COL24A1: variants seen among roughly 807,000 people sequenced by gnomAD.
COL24A1 encodes the protein collagen alpha-1(XXIV) chain.
COL24A1 carries 224 observed loss-of-function variants against 253.9 expected under a neutral mutation model. The ratio of observed to expected loss-of-function variants is 0.88; its 90% CI spans 0.79 to 0.99. The LOEUF (loss-of-function observed/expected upper bound fraction) is 0.99. COL24A1 is among the 50% of genes least tolerant of loss of function. The pLI, the probability that COL24A1 is intolerant of heterozygous loss-of-function variation, is 0.00. For missense variants in COL24A1, 2,131 were observed against 2,068.5 expected (o/e 1.03, Z -0.59); for synonymous variants, 685 against 673.7 (o/e 1.02, Z -0.26).
At chr1:85,895,201 T>C (rs12746617) in intron 31 of COL24A1, among the ~76,000 whole-genome samples, 30,050 of 151,916 alleles carry the variant, frequency 0.2, 3,332 homozygotes, top group Non-Finnish European at 0.24. Context: ...ATGATAACCA[T>C]AGAACTTGTT....
In COL24A1 at chr1:85,951,496, G is replaced by A. The variant is rs72954539; in HGVS notation, c.2562+9753C>T. Among the ~76,000 whole-genome samples the A allele has an allele frequency of 6.0e-3, 911 of 152,278 alleles. 6 individuals are homozygous for A. The highest frequency in any genetic ancestry group is 0.02 in the African/African-American group (819 of 41,548). ...GAAACAAAGGCATAAATAAGTGAGTGATGTTTAATGAATATTGAGTGGCCA... is the reference window on the plus strand; with the variant it reads ...GAAACAAAGGCATAAATAAGTGAGTAATGTTTAATGAATATTGAGTGGCCA... On this transcript the variant is annotated intron_variant, in intron 24 of 59. Transcript: ENST00000370571.
intron 47 of COL24A1, among the ~76,000 whole-genome samples, chr1:85,788,027 TC>T (rs34573269): frequency 0.37 from 56,932 of 152,034 alleles, 12,169 homozygotes; most frequent in Non-Finnish European, 0.49. Flanking sequence ...TGCATGAATG[TC>T]TTCTTTTGAG....
At chr1:86,123,902 G>A (rs908047602) in intron 3 of COL24A1, among the ~76,000 whole-genome samples, 2 of 151,722 alleles carry the variant, frequency 1.3e-5, no homozygotes, top group African/African-American at 4.8e-5. Flanking sequence ...CCCATTCTAT[G>A]ATTTCTAGAG....
intron 31 of COL24A1, among the ~76,000 whole-genome samples, chr1:85,891,947 C>G (rs981337898): frequency 1.3e-5 from 2 of 152,162 alleles, no homozygotes; most frequent in Non-Finnish European, 2.9e-5. Context: ...ACTCCCTTCT[C>G]TATGACTTCA....
chr1:86,091,240 G>A (rs969641646), intron 6 of COL24A1, among the ~76,000 whole-genome samples: 1 of 151,818 alleles, frequency 6.6e-6, no homozygotes, highest in African/African-American at 2.4e-5. Context: ...TGTTGAGTAT[G>A]TACTCCCAAA....
chr1:85,904,640 GTT>G (rs1684632035), intron 28 of COL24A1, among the ~76,000 whole-genome samples: 1 of 152,052 alleles, frequency 6.6e-6, no homozygotes, highest in Non-Finnish European at 1.5e-5. Flanking sequence ...ATACTTTAAA[GTT>G]TATGCCATGT....
At chr1:85,842,463 C>A in intron 39 of COL24A1, 70 bp from the exon 40 acceptor site, 1 of 1,049,570 alleles carries the variant, frequency 9.5e-7, no homozygotes, top group Non-Finnish European at 1.4e-6. Context: ...GACTTCTACT[C>A]CTATTGTTTA....
chr1:85,790,955 A>C (rs924442107), intron 47 of COL24A1, among the ~76,000 whole-genome samples: 2 of 152,190 alleles, frequency 1.3e-5, no homozygotes, highest in Non-Finnish European at 2.9e-5. Flanking sequence ...CAACAAAATG[A>C]AAATGAGGCT....
chr1:86,107,512 T>A (rs1450276112), intron 5 of COL24A1, among the ~76,000 whole-genome samples: 10 of 39,698 alleles, frequency 2.5e-4, no homozygotes, highest in Non-Finnish European at 4.4e-4. Context: ...AATGGTAATT[T>A]ATTTATTTAT....
intron 19 of COL24A1, among the ~76,000 whole-genome samples, chr1:85,997,359 T>C (rs1694927839): frequency 6.6e-6 from 1 of 152,064 alleles, no homozygotes; most frequent in African/African-American, 2.4e-5. Context: ...AAAAATCTCT[T>C]TGGGGAAACA....
intron 24 of COL24A1, among the ~76,000 whole-genome samples, chr1:85,919,941 G>A (rs1220979650): frequency 6.6e-6 from 1 of 152,148 alleles, no homozygotes; most frequent in African/African-American, 2.4e-5. Context: ...TTATTTGAAA[G>A]TTAATCTCAC....
intron 53 of COL24A1, among the ~76,000 whole-genome samples, chr1:85,768,404 C>T (rs910051548): frequency 1.2e-4 from 18 of 151,948 alleles, no homozygotes; most frequent in East Asian, 1.2e-3. Context: ...GAGAATAGAT[C>T]GTAGTGGGGG....
chr1:85,865,027 A>T (rs1558444240), intron 37 of COL24A1, among the ~76,000 whole-genome samples: 2 of 151,460 alleles, frequency 1.3e-5, no homozygotes, highest in African/African-American at 4.9e-5. Flanking sequence ...AAAATATACA[A>T]TTTTTTTTTC....
At chr1:85,982,983 TCCTCTTA>T (rs753396244) in intron 20 of COL24A1, among the ~76,000 whole-genome samples, 200 of 152,090 alleles carry the variant, frequency 1.3e-3, no homozygotes, top group Non-Finnish European at 9.1e-4. Flanking sequence ...TTATACATCT[TCCTCTTA>T]CCAAGTTAGC....
chr1:85,823,042 T>C (rs959591481), intron 45 of COL24A1, among the ~76,000 whole-genome samples: 10 of 152,176 alleles, frequency 6.6e-5, no homozygotes, highest in African/African-American at 2.2e-4. Context: ...TGGTGTTGAG[T>C]CCAATCTCTC....
At chr1:86,112,506 T>C (rs1186134649) in intron 5 of COL24A1, 61 bp downstream of exon 5, 1 of 1,451,010 alleles carries the variant, frequency 6.9e-7, no homozygotes, top group Non-Finnish European at 9.6e-7. Context: ...ATCTTCTTTT[T>C]AATATCAGGA....
At chr1:86,145,803 A>C (rs1386459217) in intron 2 of COL24A1, among the ~76,000 whole-genome samples, 2 of 152,086 alleles carry the variant, frequency 1.3e-5, no homozygotes, top group Non-Finnish European at 2.9e-5. Context: ...ATTCAGTCAC[A>C]GTTTGCCACC....
chr1:85,959,229 A>C (rs1690779187), intron 24 of COL24A1, among the ~76,000 whole-genome samples: 1 of 152,138 alleles, frequency 6.6e-6, no homozygotes, highest in African/African-American at 2.4e-5. Flanking sequence ...AGAGCCAAAA[A>C]TAAAAATATT....
chr1:85,789,646 C>A (rs537772407), intron 47 of COL24A1, among the ~76,000 whole-genome samples: 2 of 152,138 alleles, frequency 1.3e-5, no homozygotes, highest in African/African-American at 4.8e-5. Flanking sequence ...AAGGGGAATG[C>A]TTCCAGCTTT....
Sources: gnomAD v4.1 joint callset for allele counts (sites outside exome capture counted in the v4.1 genomes callset) on GRCh38, gnomAD v4.1.1 for gene constraint, MANE v1.5 for transcripts, NCBI Gene and HGNC (gene_info 2026-07-23, HGNC 2026-07-21) for gene names.